Variants in PHF21B observed in about 807,000 individuals in gnomAD.
PHF21B encodes the protein PHD finger protein 21B, also known as PHD finger protein 4.
Under a neutral mutation model 62.2 loss-of-function variants are expected in PHF21B, and 22 were observed. The ratio of observed to expected loss-of-function variants is 0.35; its 90% CI spans 0.25 to 0.51. PHF21B has a LOEUF of 0.51. Ranked by LOEUF, PHF21B falls within the 20% of genes least tolerant of loss-of-function variation. The pLI, the probability that PHF21B is intolerant of heterozygous loss-of-function variation, is 0.97. For synonymous variants in PHF21B, 341 were observed against 314.7 expected (o/e 1.08, Z -0.88); for missense variants, 701 against 707.9 (o/e 0.99, Z 0.11).
intron 2 of PHF21B, among the ~76,000 whole-genome samples, chr22:44,934,114 C>G (rs2071798184): frequency 6.6e-6 from 1 of 152,202 alleles, no homozygotes; most frequent in African/African-American, 2.4e-5. Flanking sequence ...CCGTCCCCTC[C>G]TGGGGACTGC....
chr22:44,893,487 G>A lies in PHF21B; in HGVS notation c.930C>T (p.Asn310=), dbSNP rs1280043026. The A allele has an allele frequency of 6.2e-7, 1 of 1,603,586 alleles. No individual in the cohort carries two copies. The highest frequency in any genetic ancestry group is 1.3e-5 in the African/African-American group (1 of 74,810). ...TCTCCAGGAGGCCGCTGTAGGCAGG[G>A]TTGGCTGTGCTTCTTCTCTTCCGCT... ...RQERKRRSTA[N]PAYSGLLETE... is the part of the protein sequence containing the mutation. The change falls in exon 7 of 13, where the codon AAC becomes AAT. Residue 310 remains asparagine (N), a synonymous_variant. Transcript: ENST00000313237.
intron 2 of PHF21B, among the ~76,000 whole-genome samples, chr22:44,984,663 T>C (rs2072915614): frequency 2.6e-5 from 4 of 152,230 alleles, no homozygotes; most frequent in African/African-American, 9.6e-5. Flanking sequence ...CTTATTTGTA[T>C]TTCAATCCTG....
chr22:44,939,238 G>A (rs947057021), intron 2 of PHF21B, among the ~76,000 whole-genome samples: 12 of 152,226 alleles, frequency 7.9e-5, no homozygotes, highest in Non-Finnish European at 1.8e-4. Context: ...ACGACCCATA[G>A]AGGCAGGAGA....
intron 5 of PHF21B, among the ~76,000 whole-genome samples, chr22:44,898,425 C>T (rs374373215): frequency 1.3e-5 from 2 of 152,160 alleles, no homozygotes; most frequent in East Asian, 1.9e-4. Flanking sequence ...GTGTGTCTGC[C>T]AAGCTCCACT....
intron 2 of PHF21B, among the ~76,000 whole-genome samples, chr22:44,941,109 G>A (rs1336376816): frequency 1.3e-5 from 2 of 152,136 alleles, no homozygotes; most frequent in East Asian, 1.9e-4. Context: ...AATGCTGCGC[G>A]TGCTCACAAT....
intron 11 of PHF21B, 55 bp downstream of exon 11, chr22:44,885,808 G>A: frequency 6.4e-7 from 1 of 1,561,648 alleles, no homozygotes; most frequent in Non-Finnish European, 8.8e-7. Flanking sequence ...CCAGAGGCCT[G>A]GGTGGGGGAG....
intron 2 of PHF21B, among the ~76,000 whole-genome samples, chr22:44,947,443 C>T (rs935145715): frequency 1.3e-5 from 2 of 152,226 alleles, no homozygotes; most frequent in African/African-American, 4.8e-5. Context: ...GCGCCAGGGC[C>T]CAGCCCCCTG....
At chr22:44,915,037 G>A (rs549528288) in intron 4 of PHF21B, among the ~76,000 whole-genome samples, 1 of 152,278 alleles carries the variant, frequency 6.6e-6, no homozygotes, top group African/African-American at 2.4e-5. Context: ...TTTTCCCTAA[G>A]CACGGGTGGT....
At chr22:44,926,053 G>A (rs11090711) in intron 2 of PHF21B, among the ~76,000 whole-genome samples, 5,242 of 151,522 alleles carry the variant, frequency 0.035, 316 homozygotes, top group African/African-American at 0.12. Context: ...CACGTGGCCC[G>A]GCCTGCAGTG....
chr22:44,950,216 C>T (rs914583861), intron 2 of PHF21B, among the ~76,000 whole-genome samples: 2 of 152,220 alleles, frequency 1.3e-5, no homozygotes, highest in African/African-American at 4.8e-5. Context: ...CATATATGCA[C>T]AAAAACAAGC....
chr22:44,964,799 C>G (rs531241096), intron 2 of PHF21B, among the ~76,000 whole-genome samples: 1 of 152,218 alleles, frequency 6.6e-6, no homozygotes, highest in South Asian at 2.1e-4. Context: ...TCCTGGCCAC[C>G]TGACCTCCCG....
At chr22:45,000,296 G>A (rs2147526778) in intron 2 of PHF21B, among the ~76,000 whole-genome samples, 1 of 152,248 alleles carries the variant, frequency 6.6e-6, no homozygotes, top group South Asian at 2.1e-4. Context: ...CCCTAGAGGT[G>A]ACCAGAGCCT....
At chr22:44,971,639 C>T (rs887060063) in intron 2 of PHF21B, among the ~76,000 whole-genome samples, 1 of 152,160 alleles carries the variant, frequency 6.6e-6, no homozygotes, top group Non-Finnish European at 1.5e-5. Context: ...GGCCCTTGGG[C>T]GGCTCTCTCT....
At chr22:44,887,494 C>T (rs1169258892) in intron 10 of PHF21B, among the ~76,000 whole-genome samples, 2 of 152,084 alleles carry the variant, frequency 1.3e-5, no homozygotes, top group Non-Finnish European at 2.9e-5. Context: ...CACTATCTCC[C>T]GCTGCTGGGA....
Position 44,887,948 on chromosome 22 carries a change from C to A in PHF21B, c.1197+15G>T. The A allele has an allele frequency of 6.8e-7, 1 of 1,463,128 alleles. No homozygotes were observed. The highest frequency in any genetic ancestry group is 9.1e-7 in the Non-Finnish European group (1 of 1,102,094). The allele number at this position is 1,463,128 out of a possible 1,614,324, so 90.6% of individuals were successfully genotyped here. A position where few individuals can be genotyped will look rare whatever the true frequency, so the allele number is the denominator to read the frequency against. ...ATGCCAGTCTGGGGTGAGGGGGTCA[C>A]ACAGCCTCCTGTACCTTCTGCTGGC... On this transcript the variant is annotated intron_variant, in intron 10 of 12. Coordinates refer to ENST00000313237, the MANE Select transcript of PHF21B (RefSeq NM_138415.5).
At chr22:44,929,753 T>C (rs1040584047) in intron 2 of PHF21B, among the ~76,000 whole-genome samples, 7 of 152,308 alleles carry the variant, frequency 4.6e-5, no homozygotes, top group African/African-American at 1.7e-4. Context: ...GTCGTTCCAA[T>C]GGTGCCACTG....
At chr22:45,000,528 A>G (rs958420301) in intron 2 of PHF21B, 3 of 152,230 alleles carry the variant, frequency 2.0e-5, no homozygotes, top group Admixed American at 1.3e-4. Context: ...CATCATAGCC[A>G]GCAGCTCTAA....
rs1443417743 is a variant in PHF21B at position 45,009,835 on chromosome 22, C to G, written c.-286G>C. On this transcript the variant is annotated 5_prime_UTR_variant, in exon 1 of 13. Transcript: ENST00000313237. This position sits in a 1 kb window ranked among gnomAD's most constrained non-coding sequence, Gnocchi z 5.9. ...GGCGCGGCCCGGAGCATGGCCCCCC[C>G]GGCGCCGGGAGCCCCGCGCAGCCCC... is the stretch of plus-strand genomic sequence containing the variant. 6.8e-6 allele frequency: 1 copy of G among 147,960 alleles called. No homozygotes were observed. The highest frequency in any genetic ancestry group is 1.8e-4 in the South Asian group (1 of 5,566). The allele number at this position is 147,960 out of a possible 1,614,324, so 9.2% of individuals were successfully genotyped here.
intron 2 of PHF21B, among the ~76,000 whole-genome samples, chr22:44,985,713 G>A (rs1040923756): frequency 2.0e-4 from 31 of 152,254 alleles, no homozygotes; most frequent in African/African-American, 6.7e-4. Context: ...TGATGGCAAA[G>A]CAACATGGAA....
Sources: gnomAD v4.1 joint callset for allele counts (sites outside exome capture counted in the v4.1 genomes callset) on GRCh38, gnomAD v4.1.1 for gene constraint, Gnocchi (gnomAD v3.1) non-coding constraint, MANE v1.5 for transcripts, NCBI Gene and HGNC (gene_info 2026-07-23, HGNC 2026-07-21) for gene names.